Variants in RORA observed in about 807,000 individuals in gnomAD.
The protein encoded by RORA is RAR related orphan receptor A, also known as nuclear receptor ROR-alpha.
A neutral mutation model predicts 69.5 loss-of-function variants in RORA; 7 were observed. The ratio of observed to expected loss-of-function variants is 0.10; its 90% CI spans 0.06 to 0.19. The LOEUF (loss-of-function observed/expected upper bound fraction) is 0.19, where lower values mean the gene tolerates loss of function less well. Ranked by LOEUF, RORA falls within the 10% of genes least tolerant of loss-of-function variation. RORA has a pLI of 1.00. For missense variants in RORA, 457 were observed against 663.0 expected (o/e 0.69, Z 3.41); for synonymous variants, 261 against 240.8 (o/e 1.08, Z -0.78).
Position 60,531,086 on chromosome 15 carries a change from A to AAAAT in RORA, c.282+676_282+679dup, listed in dbSNP as rs1212635743. ...CCCCATGACCAAGGTCAGAAATAAT[A>AAAAT]AAATAGTCATAGCAGAAATAATACT... On this transcript the variant is annotated intron_variant, in intron 3 of 10. Transcript: ENST00000335670. The surrounding 1 kb of genome is among the most constrained non-coding windows in gnomAD (Gnocchi z 4.8). 1 of 152,300 alleles carries AAAAT rather than the reference A, an allele frequency of 6.6e-6. No individual in the cohort carries two copies. The highest frequency in any genetic ancestry group is 1.9e-4 in the East Asian group (1 of 5,204). The allele number at this position is 152,300 out of a possible 1,614,324, so 9.4% of individuals were successfully genotyped here. A position where few individuals can be genotyped will look rare whatever the true frequency, so the allele number is the denominator to read the frequency against.
At chr15:60,629,755 G>T (rs1409674055) in intron 2 of RORA, among the ~76,000 whole-genome samples, 1 of 152,184 alleles carries the variant, frequency 6.6e-6, no homozygotes, top group Non-Finnish European at 1.5e-5. Context: ...AGATGTACGG[G>T]TCATCCAGTG....
intron 2 of RORA, among the ~76,000 whole-genome samples, chr15:60,588,338 A>T (rs190526854): frequency 7.9e-5 from 12 of 152,334 alleles, no homozygotes; most frequent in Non-Finnish European, 1.5e-5. Flanking sequence ...CATTTCCATG[A>T]CAGAGTATTC....
chr15:60,529,513 A>T (rs2066467334), intron 3 of RORA: 2 of 152,176 alleles, frequency 1.3e-5, no homozygotes, highest in African/African-American at 2.4e-5. Flanking sequence ...ATTATGTTTT[A>T]TTTATTTTGT....
chr15:60,685,983 C>T (rs931042307), intron 1 of RORA, among the ~76,000 whole-genome samples: 2 of 151,994 alleles, frequency 1.3e-5, no homozygotes, highest in Non-Finnish European at 2.9e-5. Flanking sequence ...GTGCTTTGGA[C>T]GCCATGAAAA....
intron 2 of RORA, among the ~76,000 whole-genome samples, chr15:60,549,931 G>A (rs1165725119): frequency 1.3e-5 from 2 of 152,300 alleles, no homozygotes; most frequent in East Asian, 3.9e-4. Context: ...AAACGAAAGT[G>A]ATATTAAAAA....
At chr15:60,803,168 A>G (rs569434641) in intron 1 of RORA, among the ~76,000 whole-genome samples, 3 of 152,304 alleles carry the variant, frequency 2.0e-5, no homozygotes, top group African/African-American at 7.2e-5. Flanking sequence ...ATAGCAATTT[A>G]TCATTTGGAT....
rs181140875 is a variant in RORA, at chr15:60,885,090, G to A, written c.167-206404C>T. On this transcript the variant is annotated intron_variant, in intron 1 of 10. Transcript: ENST00000335670. Reference sequence around the variant, plus strand: ...TTAAAGATGGCTATATATTTTTAACGCTCCCTTCAGTGAGAAGTGGGTTTG... The same window carrying A: ...TTAAAGATGGCTATATATTTTTAACACTCCCTTCAGTGAGAAGTGGGTTTG... 6.6e-5 allele frequency among the ~76,000 whole-genome samples: 10 copies of A among 152,236 alleles called. No homozygotes were observed. The East Asian group carries it at 9.6e-4, about 15-fold the overall frequency.
chr15:60,711,420 G>A (rs1297150747), intron 1 of RORA, among the ~76,000 whole-genome samples: 1 of 152,140 alleles, frequency 6.6e-6, no homozygotes, highest in Non-Finnish European at 1.5e-5. Context: ...TCAAAAAGTT[G>A]CCTACAGTAC....
At chr15:60,951,618 A>T (rs1320104505) in intron 1 of RORA, among the ~76,000 whole-genome samples, 1 of 150,764 alleles carries the variant, frequency 6.6e-6, no homozygotes, top group Non-Finnish European at 1.5e-5. Context: ...ATCACCACCG[A>T]TCCCACACAA....
At chr15:60,763,589 A>G (rs2071933052) in intron 1 of RORA, among the ~76,000 whole-genome samples, 1 of 152,130 alleles carries the variant, frequency 6.6e-6, no homozygotes, top group African/African-American at 2.4e-5. Flanking sequence ...GTCACCAATC[A>G]TACGGATCCC....
chr15:60,628,316 A>G (rs1250394362), intron 2 of RORA, among the ~76,000 whole-genome samples: 1 of 151,960 alleles, frequency 6.6e-6, no homozygotes, highest in East Asian at 1.9e-4. Flanking sequence ...ATATCCCTTA[A>G]TGGGTTTGTG....
chr15:61,133,314 G>A (rs2079208768), intron 1 of RORA, among the ~76,000 whole-genome samples: 1 of 152,184 alleles, frequency 6.6e-6, no homozygotes, highest in Admixed American at 6.5e-5. Context: ...TTGTAACCAT[G>A]GAATAGTCAC....
chr15:60,855,309 G>A (rs2073367356), intron 1 of RORA, among the ~76,000 whole-genome samples: 1 of 152,158 alleles, frequency 6.6e-6, no homozygotes, highest in Non-Finnish European at 1.5e-5. Context: ...AACTTTTACA[G>A]TAACATGGAA....
At position 60,962,039 on chromosome 15, in the gene RORA, G is replaced by A. The variant is rs536531509; in HGVS notation, c.166+267014C>T. Among the ~76,000 whole-genome samples the A allele has an allele frequency of 2.6e-5, 4 of 152,342 alleles. No individual in the cohort carries two copies. In the South Asian group the frequency reaches 8.3e-4, roughly 32 times the overall value. The stretch of plus-strand genomic sequence containing the variant: ...AAAGGTGCCCCGGTCCTGACCGAGT[G>A]CTGTTTTCTTCTTACTGTGACCACG... On this transcript the variant is annotated intron_variant, in intron 1 of 10. Transcript: ENST00000335670.
At chr15:60,632,207 G>C (rs1350847071) in intron 2 of RORA, among the ~76,000 whole-genome samples, 1 of 151,534 alleles carries the variant, frequency 6.6e-6, no homozygotes, top group Admixed American at 6.6e-5. Context: ...CCGGATTCAC[G>C]CCATTCTCCT....
chr15:61,069,676 C>G (rs963913667), intron 1 of RORA, among the ~76,000 whole-genome samples: 2 of 150,518 alleles, frequency 1.3e-5, no homozygotes, highest in African/African-American at 4.9e-5. Flanking sequence ...AAAACTAGAA[C>G]AGCTGTCAGC....
intron 1 of RORA, among the ~76,000 whole-genome samples, chr15:60,901,734 G>A (rs1891399292): frequency 6.6e-6 from 1 of 152,158 alleles, no homozygotes; most frequent in South Asian, 2.1e-4. Context: ...CTGGCATCAG[G>A]TTGGATGCCC....
chr15:60,622,455 T>C (rs893275055), intron 2 of RORA, among the ~76,000 whole-genome samples: 7 of 151,726 alleles, frequency 4.6e-5, no homozygotes, highest in African/African-American at 1.7e-4. Flanking sequence ...TTACTAAAAA[T>C]ACAAAAATTA....
At chr15:61,200,018 A>G (rs1414680512) in intron 1 of RORA, among the ~76,000 whole-genome samples, 2 of 152,166 alleles carry the variant, frequency 1.3e-5, no homozygotes, top group African/African-American at 4.8e-5. Flanking sequence ...CTTTCTTGTT[A>G]CACTCTTCAG....
Sources: gnomAD v4.1 joint callset for allele counts (sites outside exome capture counted in the v4.1 genomes callset) on GRCh38, gnomAD v4.1.1 for gene constraint, Gnocchi (gnomAD v3.1) non-coding constraint, MANE v1.5 for transcripts, NCBI Gene and HGNC (gene_info 2026-07-23, HGNC 2026-07-21) for gene names.